IQCE: variants seen among roughly 807,000 people sequenced by gnomAD.
The protein encoded by IQCE is IQ domain-containing protein E.
Under a neutral mutation model 96.0 loss-of-function variants are expected in IQCE, and 115 were observed. That is an observed-to-expected ratio of 1.20 (90% confidence interval 1.03 to 1.40). The LOEUF (loss-of-function observed/expected upper bound fraction) is 1.40. Ranked by LOEUF, IQCE falls within the 40% of genes most tolerant of loss-of-function variation. The probability of loss-of-function intolerance (pLI) is 0.00; values close to 1 mark genes in which losing one functional copy is unlikely to be tolerated. For missense variants in IQCE, 1,041 were observed against 909.1 expected (o/e 1.15, Z -1.87); for synonymous variants, 412 against 371.2 (o/e 1.11, Z -1.26).
At chr7:2,575,258 A>G (rs1476625581) in intron 6 of IQCE, among the ~76,000 whole-genome samples, 1 of 152,114 alleles carries the variant, frequency 6.6e-6, no homozygotes, top group East Asian at 1.9e-4. Flanking sequence ...CCACCTCGTT[A>G]TCACCCGCGA....
At chr7:2,607,585 C>G (rs1562687920) in intron 21 of IQCE, 1 of 1,215,144 alleles carries the variant, frequency 8.2e-7, no homozygotes, top group Non-Finnish European at 1.0e-6. Context: ...AGTCCAAAAA[C>G]AGTCAGTGAA....
rs760012088 is a variant in IQCE, at chr7:2,610,094, G to A, written c.2020G>A (p.Val674Ile). The change falls in exon 22 of 22, where the codon GTC (valine) becomes ATC (isoleucine). Residue 674 changes from valine (V) to isoleucine (I), a missense_variant. Val to Ile is a conservative substitution (Grantham distance 29, BLOSUM62 3). Transcript: ENST00000402050. ...CTTGGCACCTCTACCTGGGGATGAC[G>A]TCAACTCCGATGATTCCGACGATAT... ...QALAPLPGDD[V>I]NSDDSDDIVI... 2.8e-5 allele frequency: 45 copies of A among 1,613,042 alleles called. No homozygotes were observed. Among genetic ancestry groups the A allele is most frequent in the Non-Finnish European group, 3.6e-5 (42 of 1,179,130 alleles).
intron 3 of IQCE, among the ~76,000 whole-genome samples, chr7:2,570,829 A>G (rs1393177951): frequency 1.3e-5 from 2 of 152,180 alleles, no homozygotes; most frequent in South Asian, 2.1e-4. Context: ...TATTTTACAT[A>G]TTAAGTTCTA....
intron 3 of IQCE, among the ~76,000 whole-genome samples, chr7:2,569,878 A>G (rs1781637817): frequency 6.6e-6 from 1 of 152,250 alleles, no homozygotes; most frequent in Non-Finnish European, 1.5e-5. Context: ...GTTATATGTT[A>G]CAAATCAATA....
At chr7:2,604,837 G>C (rs751057686) in intron 18 of IQCE, 44 bp from the exon 19 acceptor site, 2 of 1,472,682 alleles carry the variant, frequency 1.4e-6, no homozygotes, top group Non-Finnish European at 1.9e-6. Context: ...CGTTGCCCCG[G>C]GCACTCACAC....
Position 2,598,647 on chromosome 7 carries a change from G to C in IQCE, c.1608+15G>C. The C allele has an allele frequency of 6.7e-7, 1 of 1,503,430 alleles. No individual in the cohort carries two copies. The highest frequency in any genetic ancestry group is 8.9e-7 in the Non-Finnish European group (1 of 1,125,364). 93.1% of individuals were successfully genotyped at this position (1,503,430 alleles called of 1,614,324 possible). ...ACAAGCACAAGGTGAGGCTCCCCGG[G>C]GCGACCCGGGCTGCTCCCTGTGAGT... On this transcript the variant is annotated intron_variant, in intron 17 of 21. Transcript: ENST00000402050.
chr7:2,561,983 G>C (rs1781001747), intron 1 of IQCE, among the ~76,000 whole-genome samples: 1 of 152,178 alleles, frequency 6.6e-6, no homozygotes, highest in South Asian at 2.1e-4. Flanking sequence ...GCTGCTATTA[G>C]AAGGGAAACA....
chr7:2,589,637 C>T (rs977990385), intron 13 of IQCE, among the ~76,000 whole-genome samples: 7 of 152,102 alleles, frequency 4.6e-5, no homozygotes, highest in Non-Finnish European at 8.8e-5. Context: ...CCCTCGTGCC[C>T]TCCTCTCTGT....
intron 8 of IQCE, among the ~76,000 whole-genome samples, chr7:2,579,057 A>AC (rs1782446307): frequency 6.6e-6 from 1 of 151,142 alleles, no homozygotes; most frequent in Non-Finnish European, 1.5e-5. Flanking sequence ...AAAAAAAAAA[A>AC]GGTGCTACAG....
At chr7:2,565,151 T>TGC (rs976898303) in intron 1 of IQCE, among the ~76,000 whole-genome samples, 4 of 147,074 alleles carry the variant, frequency 2.7e-5, no homozygotes, top group African/African-American at 1.0e-4. Context: ...TGTGTGTGTG[T>TGC]GTGCTGTGTA....
At chr7:2,574,191 C>A (rs1781957756) in intron 6 of IQCE, among the ~76,000 whole-genome samples, 1 of 152,224 alleles carries the variant, frequency 6.6e-6, no homozygotes, top group African/African-American at 2.4e-5. Flanking sequence ...TCATTTCCTT[C>A]CATAATTTTA....
intron 3 of IQCE, among the ~76,000 whole-genome samples, chr7:2,570,434 G>A (rs1367748741): frequency 2.0e-5 from 3 of 151,376 alleles, no homozygotes; most frequent in East Asian, 3.9e-4. Flanking sequence ...AAATCTTTAC[G>A]TTTTGGAAGA....
chr7:2,583,750 G>A (rs1782863160), intron 10 of IQCE, 41 bp downstream of exon 10: 1 of 859,732 alleles, frequency 1.2e-6, no homozygotes. Context: ...CGGGCACCGA[G>A]CTGGGCGGCG....
At chr7:2,568,890 A>G in intron 2 of IQCE, 64 bp from the exon 3 acceptor site, 3 of 1,427,062 alleles carry the variant, frequency 2.1e-6, no homozygotes, top group Non-Finnish European at 9.8e-7. Flanking sequence ...TGAACATGGT[A>G]GGGTCTTGTG....
intron 6 of IQCE, among the ~76,000 whole-genome samples, chr7:2,575,506 C>T (rs541757658): frequency 9.2e-5 from 14 of 152,230 alleles, no homozygotes; most frequent in Non-Finnish European, 1.9e-4. Flanking sequence ...ATGATGGTCC[C>T]GACTCTGCCC....
At position 2,586,200 on chromosome 7, in the gene IQCE, T is replaced by G. The variant is rs771819944; in HGVS notation, c.825-8T>G. On this transcript the variant is annotated splice_polypyrimidine_tract_variant and splice_region_variant and intron_variant, in intron 11 of 21. Transcript: ENST00000402050. The stretch of plus-strand genomic sequence containing the variant: ...TGCAAACCTCAGTCCACGATTTGGT[T>G]GTTCCAGGCCCCTGGGGGAGAAGAA... The G allele has an allele frequency of 4.3e-6, 7 of 1,609,500 alleles. No individual in the cohort carries two copies. In the African/African-American group the frequency reaches 5.4e-5, roughly 12 times the overall value.
At position 2,567,247 on chromosome 7, in the gene IQCE, C is replaced by T. The variant is rs894117297; in HGVS notation, c.84+84C>T. On this transcript the variant is annotated intron_variant, in intron 2 of 21. Coordinates refer to ENST00000402050, the MANE Select transcript of IQCE (RefSeq NM_152558.5). ...CTGCACTCGGAAGCGTAAAATAGGC[C>T]GTTCTCCACAATACTGTGTCGAGAG... 49 of 1,039,918 alleles carry T rather than the reference C, an allele frequency of 4.7e-5. No homozygotes were observed. The Admixed American group carries it at 6.4e-4, about 14-fold the overall frequency. The allele number at this position is 1,039,918 out of a possible 1,614,324, so 64.4% of individuals were successfully genotyped here.
At chr7:2,586,409 G>A (rs1355392964) in intron 12 of IQCE, 38 bp downstream of exon 12, 1 of 101,024 alleles carries the variant, frequency 9.9e-6, no homozygotes, top group Non-Finnish European at 1.4e-5. Context: ...GGAGGCCAGG[G>A]AATGGCAGGG....
rs1399828626 is a variant in IQCE, at chr7:2,582,753, C to T, written c.701+103C>T. On this transcript the variant is annotated intron_variant, in intron 9 of 21. Coordinates refer to ENST00000402050, the MANE Select transcript of IQCE (RefSeq NM_152558.5). ...CCCACCCCGTCCTGTGTCCCTACTC[C>T]CAGCCCAAAGCCGAAGGTGAATGTT... 4 of 990,562 alleles carry T rather than the reference C, an allele frequency of 4.0e-6. No individual in the cohort carries two copies. The East Asian group carries it at 7.8e-5, about 19-fold the overall frequency. 61.4% of individuals were successfully genotyped at this position (990,562 alleles called of 1,614,324 possible).
Sources: gnomAD v4.1 joint callset for allele counts (sites outside exome capture counted in the v4.1 genomes callset) on GRCh38, gnomAD v4.1.1 for gene constraint, MANE v1.5 for transcripts, NCBI Gene and HGNC (gene_info 2026-07-23, HGNC 2026-07-21) for gene names.